The following LYST variants were observed in gnomAD, a reference collection of about 807,000 sequenced individuals.
The protein encoded by LYST is lysosomal-trafficking regulator.
In LYST, 192 loss-of-function variants were observed where a neutral mutation model predicts 413.6. That is an observed-to-expected ratio of 0.46 (90% CI 0.41 to 0.52). The LOEUF is 0.52. Among genes scored for constraint, LYST ranks in the 20% least tolerant of loss-of-function variants. The probability of loss-of-function intolerance (pLI) is 0.00; values close to 1 mark genes in which losing one functional copy is unlikely to be tolerated. For missense variants in LYST, 3,815 were observed against 4,499.9 expected, an observed-to-expected ratio of 0.85 and a Z score of 4.35; for synonymous variants, 1,525 against 1,567.3, an observed-to-expected ratio of 0.97 and a Z score of 0.64.
chr1:235,677,621 T>C lies in LYST; in HGVS notation c.10801-2A>G, dbSNP rs1383844856. The C allele has an allele frequency of 6.2e-7, 1 of 1,610,874 alleles. No homozygotes were observed. Among genetic ancestry groups the C allele is most frequent in the Non-Finnish European group, 8.5e-7 (1 of 1,177,314 alleles). ...AGTCTCCATTTCTATTTCTGATGGC[T>C]GAAATTTTAAAATTAAGTATGAGAT... On this transcript the variant is annotated splice_acceptor_variant, in intron 48 of 52. Transcript: ENST00000389793. LOFTEE classifies it high-confidence loss of function.
intron 1 of LYST, among the ~76,000 whole-genome samples, chr1:235,852,029 T>C (rs1038631719): frequency 6.6e-6 from 1 of 152,226 alleles, no homozygotes; most frequent in Non-Finnish European, 1.5e-5. Context: ...AGCAGTTGTT[T>C]AGCGCCCAGG....
intron 2 of LYST, among the ~76,000 whole-genome samples, chr1:235,832,498 T>G (rs550148699): frequency 6.6e-6 from 1 of 152,296 alleles, no homozygotes; most frequent in East Asian, 1.9e-4. Context: ...AAAATGTACC[T>G]AAAATATATA....
chr1:235,836,555 TGGATGTACG>T (rs1676600468), intron 1 of LYST, among the ~76,000 whole-genome samples: 1 of 152,156 alleles, frequency 6.6e-6, no homozygotes, highest in Non-Finnish European at 1.5e-5. Context: ...AAATGTATGC[TGGATGTACG>T]GGATATTGAG....
intron 1 of LYST, among the ~76,000 whole-genome samples, chr1:235,859,870 TA>T (rs1679658673): frequency 6.6e-6 from 1 of 152,242 alleles, no homozygotes; most frequent in Non-Finnish European, 1.5e-5. Flanking sequence ...ATGTACTCTG[TA>T]AGTTATAAAG....
At chr1:235,701,607 G>A (rs546146232) in intron 45 of LYST, among the ~76,000 whole-genome samples, 42 of 152,244 alleles carry the variant, frequency 2.8e-4, no homozygotes, top group African/African-American at 9.4e-4. Context: ...CAGCCTGGGC[G>A]ACAGAGCGAG....
rs1389856244 is a variant in LYST, at chr1:235,674,397, A to G, written c.11038+2694T>C. Among the ~76,000 whole-genome samples, 1 of 148,990 alleles carries G rather than the reference A, an allele frequency of 6.7e-6. No homozygotes were observed. Among genetic ancestry groups the G allele is most frequent in the Non-Finnish European group, 1.5e-5 (1 of 67,956 alleles). On this transcript the variant is annotated intron_variant, in intron 50 of 52. Transcript: ENST00000389793. The surrounding 1 kb of genome is among the most constrained non-coding windows in gnomAD (Gnocchi z 4.1). ...ATTTCATCAACCAAATAGAAAGAAC[A>G]ATCGTAAAAAAAAAAAAAAAAGTGT...
intron 42 of LYST, among the ~76,000 whole-genome samples, chr1:235,714,978 C>A (rs1553271215): frequency 6.6e-6 from 1 of 152,096 alleles, no homozygotes; most frequent in Non-Finnish European, 1.5e-5. Context: ...TTTTTATAAA[C>A]TTAGACATTT....
intron 50 of LYST, 99 bp downstream of exon 50, chr1:235,676,992 C>G (rs1214619533): frequency 2.8e-5 from 23 of 822,650 alleles, no homozygotes; most frequent in Non-Finnish European, 4.3e-5. Context: ...TTAGATCTGG[C>G]AGGGACCTGA....
At chr1:235,734,888 T>A (rs1467994053) in intron 31 of LYST, 1 of 341,270 alleles carries the variant, frequency 2.9e-6, no homozygotes, top group Non-Finnish European at 5.3e-6. Context: ...TTATGTTACA[T>A]AGGAAAACAT....
intron 48 of LYST, among the ~76,000 whole-genome samples, chr1:235,678,386 G>A (rs564574022): frequency 4.6e-5 from 7 of 152,244 alleles, no homozygotes; most frequent in South Asian, 4.2e-4. Flanking sequence ...AATTGGTGAT[G>A]TTACCAACGG....
rs566943635 is a variant in LYST, at chr1:235,708,524, G to A, written c.10143+567C>T. 2.6e-5 allele frequency among the ~76,000 whole-genome samples: 4 copies of A among 152,264 alleles called. No individual in the cohort carries two copies. In the South Asian group the frequency reaches 8.3e-4, roughly 32 times the overall value. On this transcript the variant is annotated intron_variant, in intron 44 of 52. Coordinates refer to ENST00000389793, the MANE Select transcript of LYST (RefSeq NM_000081.4). The stretch of plus-strand genomic sequence containing the variant: ...AAGAGTGGCTTACTGTGCCTAAACT[G>A]TACAAACAATGCAGTTTATACCGAA...
intron 38 of LYST, 82 bp from the exon 39 acceptor site, chr1:235,724,262 A>G (rs944959140): frequency 7.9e-7 from 1 of 1,267,804 alleles, no homozygotes; most frequent in African/African-American, 1.5e-5. Flanking sequence ...AAAAAGCATC[A>G]AAATAAAACA....
chr1:235,852,892 G>A (rs986849841), intron 1 of LYST: 8 of 168,974 alleles, frequency 4.7e-5, no homozygotes, highest in African/African-American at 1.7e-4. Context: ...CCTATCCAAT[G>A]TTTTTCCTAA....
intron 47 of LYST, among the ~76,000 whole-genome samples, chr1:235,692,957 G>A (rs1660787434): frequency 1.3e-5 from 2 of 150,482 alleles, no homozygotes; most frequent in South Asian, 2.1e-4. Context: ...GGAGGTGGAG[G>A]GTGCAGTTAG....
rs907054312 is a variant in LYST at position 235,770,192 on chromosome 1, G to A, written c.5890C>T (p.His1964Tyr). The A allele has an allele frequency of 6.8e-6, 11 of 1,613,374 alleles. No homozygotes were observed. The highest frequency in any genetic ancestry group is 1.1e-5 in the South Asian group (1 of 91,074). The change falls in exon 20 of 53, where the codon CAT (histidine) becomes TAT (tyrosine). Residue 1964 changes from histidine (H) to tyrosine (Y), a missense_variant. Physicochemically the swap from His to Tyr is moderately conservative, Grantham distance 83. Around this residue, in one of 4 missense-constraint regions of LYST, gnomAD observed 530 missense variants for 696.5 expected, o/e 0.76. Coordinates refer to ENST00000389793, the MANE Select transcript of LYST (RefSeq NM_000081.4). ...IKQLLKAQVVHHFLLTCQVLQ... is the reference protein window; with the variant it reads ...IKQLLKAQVVYHFLLTCQVLQ... ...ACCTGACAAGTCAGTAGAAAGTGAT[G>A]AACCACTTGAGCTTTCAATAACTGC...
chr1:235,839,264 G>T lies in LYST; in HGVS notation c.-97-5597C>A, dbSNP rs546043367. 2.2e-3 allele frequency among the ~76,000 whole-genome samples: 333 copies of T among 149,138 alleles called. 1 individual carries two copies. The highest frequency in any genetic ancestry group is 0.017 in the Middle Eastern group (5 of 292). ...GTATGTGTGCATATATATATATACAGTTTTTTTTTTGAGACAGAATCTCGC... is the reference window on the plus strand; with the variant it reads ...GTATGTGTGCATATATATATATACATTTTTTTTTTTGAGACAGAATCTCGC... On this transcript the variant is annotated intron_variant, in intron 1 of 52. Transcript: ENST00000389793.
At chr1:235,840,294 G>A (rs1053741244) in intron 1 of LYST, 3 of 152,200 alleles carry the variant, frequency 2.0e-5, no homozygotes, top group African/African-American at 7.2e-5. Context: ...GGTAAAGGGA[G>A]AAAAGAAGGG....
At chr1:235,790,352 C>G (rs997774332) in intron 12 of LYST, among the ~76,000 whole-genome samples, 1 of 152,146 alleles carries the variant, frequency 6.6e-6, no homozygotes, top group Admixed American at 6.5e-5. Context: ...ACTTAACTTC[C>G]TCTAAAAATA....
At chr1:235,866,631 G>T (rs1680558814) in intron 1 of LYST, among the ~76,000 whole-genome samples, 1 of 151,952 alleles carries the variant, frequency 6.6e-6, no homozygotes, top group South Asian at 2.1e-4. Flanking sequence ...GGCGCCGCGA[G>T]AAGTCCCAGA....
Sources: gnomAD v4.1 joint callset for allele counts (sites outside exome capture counted in the v4.1 genomes callset) on GRCh38, gnomAD v4.1.1 for gene constraint, gnomAD v4.1.1 regional missense constraint, Gnocchi (gnomAD v3.1) non-coding constraint, MANE v1.5 for transcripts, NCBI Gene and HGNC (gene_info 2026-07-23, HGNC 2026-07-21) for gene names.